Variants in CREB3L3 observed in about 807,000 individuals in gnomAD.
The protein encoded by CREB3L3 is cyclic AMP-responsive element-binding protein 3-like protein 3.
A neutral mutation model predicts 44.6 loss-of-function variants in CREB3L3; 40 were observed. That is an observed-to-expected ratio of 0.90 (90% CI 0.70 to 1.17). The LOEUF (loss-of-function observed/expected upper bound fraction) is 1.17. Ranked by LOEUF, CREB3L3 falls within the 50% of genes most tolerant of loss-of-function variation. The pLI is 0.00. For synonymous variants in CREB3L3, 273 were observed against 256.3 expected (o/e 1.06, Z -0.62); for missense variants, 578 against 595.8 (o/e 0.97, Z 0.31).
At chr19:4,167,352 A>AAGAAAGAAAG (rs377740874) in intron 5 of CREB3L3, among the ~76,000 whole-genome samples, 3,267 of 130,106 alleles carry the variant, frequency 0.025, 154 homozygotes, top group African/African-American at 0.091. Flanking sequence ...GAAAGAAAGA[A>AAGAAAGAAAG]AGAGAGAGAG....
In CREB3L3 at chr19:4,157,199, G is replaced by A. The variant is rs753609961; in HGVS notation, c.361G>A (p.Gly121Arg). The A allele has an allele frequency of 2.5e-6, 4 of 1,614,054 alleles. No homozygotes were observed. The East Asian group carries it at 6.7e-5, about 27-fold the overall frequency. ...CTGCCATCCTGCCCAGCCTGGCAAGGGGCCCTGCCTCTCCTATCATCCTGG... is the reference window on the plus strand; with the variant it reads ...CTGCCATCCTGCCCAGCCTGGCAAGAGGCCCTGCCTCTCCTATCATCCTGG... ...AGCHPAQPGKGPCLSYHPGNS... is the reference protein window; with the variant it reads ...AGCHPAQPGKRPCLSYHPGNS... Residue 121 changes from glycine to arginine, a missense_variant, in exon 3 of 10, where the codon GGG becomes AGG. Transcript: ENST00000078445.
At chr19:4,162,553 G>T (rs137929658) in intron 4 of CREB3L3, among the ~76,000 whole-genome samples, 7 of 145,296 alleles carry the variant, frequency 4.8e-5, no homozygotes, top group African/African-American at 1.8e-4. Context: ...GTGTGGTGGC[G>T]CACACCTGTA....
intron 7 of CREB3L3, 68 bp downstream of exon 7, chr19:4,170,276 A>G: frequency 6.8e-7 from 1 of 1,476,910 alleles, no homozygotes; most frequent in East Asian, 2.3e-5. Context: ...CAGGAAGAGC[A>G]GAGAGCCCAT....
At chr19:4,170,235 G>A (rs774599725) in intron 7 of CREB3L3, 27 bp downstream of exon 7, 36 of 1,611,052 alleles carry the variant, frequency 2.2e-5, no homozygotes, top group Admixed American at 5.0e-5. Flanking sequence ...CTGGGGCAGA[G>A]GACAGGGGAA....
chr19:4,168,256 C>T, intron 5 of CREB3L3, 95 bp from the exon 6 acceptor site: 1 of 923,822 alleles, frequency 1.1e-6, no homozygotes, highest in Non-Finnish European at 1.7e-6. Flanking sequence ...GCCTCGGCCT[C>T]CCAAAGTGCT....
At chr19:4,166,140 G>A (rs568304443) in intron 5 of CREB3L3, among the ~76,000 whole-genome samples, 1 of 151,070 alleles carries the variant, frequency 6.6e-6, no homozygotes, top group East Asian at 2.0e-4. Flanking sequence ...CCAGGCTGGA[G>A]TGGAGTGAGG....
At position 4,164,630 on chromosome 19, in the gene CREB3L3, C is replaced by A. The variant is rs779860332; in HGVS notation, c.704C>A (p.Pro235His). The A allele has an allele frequency of 6.0e-5, 97 of 1,613,928 alleles. 1 individual carries two copies. In the Admixed American group the frequency reaches 1.6e-3, roughly 26 times the overall value. The change falls in exon 5 of 10, where the codon CCC becomes CAC. Residue 235 changes from proline to histidine, a missense_variant. Pro to His is a moderately conservative substitution (Grantham distance 77). Transcript: ENST00000078445. ...GGCATCACCCTGCCCACTCAGCTGC[C>A]CCTCACTAAGGTGAGTCTGGGGGGA... ...KEGITLPTQL[P>H]LTKYEERVLK...
chr19:4,172,785 A>G lies in CREB3L3; in HGVS notation c.*816A>G. The G allele has an allele frequency of 5.3e-6, 1 of 189,896 alleles. No individual in the cohort carries two copies. The highest frequency in any genetic ancestry group is 1.1e-5 in the Non-Finnish European group (1 of 91,448). 11.8% of individuals were successfully genotyped at this position (189,896 alleles called of 1,614,324 possible). Reference sequence around the variant, plus strand: ...CCCAGACAGAGAGACAGGCAGACACAGCCTAAAACAGACCTGGACAGACAG... The same window carrying G: ...CCCAGACAGAGAGACAGGCAGACACGGCCTAAAACAGACCTGGACAGACAG... On this transcript the variant is annotated 3_prime_UTR_variant, in exon 10 of 10. Coordinates refer to ENST00000078445, the MANE Select transcript of CREB3L3 (RefSeq NM_032607.3).
chr19:4,153,726 G>A lies in CREB3L3; in HGVS notation c.-22G>A, dbSNP rs777256377. On this transcript the variant is annotated 5_prime_UTR_variant, in exon 1 of 10. Coordinates refer to ENST00000078445, the MANE Select transcript of CREB3L3 (RefSeq NM_032607.3). Reference sequence around the variant, plus strand: ...GGAGCAGAGACCCCCCGAGGCATCTGCAGACAGAACTGGATGGACCCATGA... The same window carrying A: ...GGAGCAGAGACCCCCCGAGGCATCTACAGACAGAACTGGATGGACCCATGA... 1.9e-6 allele frequency: 3 copies of A among 1,613,928 alleles called. No individual in the cohort carries two copies. The highest frequency in any genetic ancestry group is 3.3e-5 in the Admixed American group (2 of 59,962).
intron 2 of CREB3L3, among the ~76,000 whole-genome samples, 164 bp downstream of exon 2, chr19:4,155,191 C>T (rs551896108): frequency 2.0e-5 from 3 of 152,254 alleles, no homozygotes; most frequent in South Asian, 2.1e-4. Flanking sequence ...CATCATTTAG[C>T]GGGTAGCATC....
chr19:4,158,576 C>T (rs570976300), intron 3 of CREB3L3, among the ~76,000 whole-genome samples: 5 of 151,862 alleles, frequency 3.3e-5, no homozygotes, highest in Admixed American at 2.0e-4. Flanking sequence ...CCGAAGCGAG[C>T]GGATCACGAG....
Position 4,172,126 on chromosome 19 carries a change from C to G in CREB3L3, c.*157C>G. ...CAGCTCATAGCCACACACCCAGGGC[C>G]TGACTGAGGCCCACGCAGGAACCGA... On this transcript the variant is annotated 3_prime_UTR_variant, in exon 10 of 10. Coordinates refer to ENST00000078445, the MANE Select transcript of CREB3L3 (RefSeq NM_032607.3). 1 of 797,962 alleles carries G rather than the reference C, an allele frequency of 1.3e-6. No individual in the cohort carries two copies. Among genetic ancestry groups the G allele is most frequent in the Non-Finnish European group, 1.9e-6 (1 of 517,824 alleles). 49.4% of individuals were successfully genotyped at this position (797,962 alleles called of 1,614,324 possible).
At position 4,172,729 on chromosome 19, in the gene CREB3L3, A is replaced by G. The variant is rs181582652; in HGVS notation, c.*760A>G. On this transcript the variant is annotated 3_prime_UTR_variant, in exon 10 of 10. Coordinates refer to ENST00000078445, the MANE Select transcript of CREB3L3 (RefSeq NM_032607.3). ...GACAGACACAGCCTGAAACAGACCCAGACAGACAGACCGACGCAGCCTGAA... is the reference window on the plus strand; with the variant it reads ...GACAGACACAGCCTGAAACAGACCCGGACAGACAGACCGACGCAGCCTGAA... 430 of 225,146 alleles carry G rather than the reference A, an allele frequency of 1.9e-3. No homozygotes were observed. The highest frequency in any genetic ancestry group is 2.8e-3 in the Non-Finnish European group (315 of 112,976). 13.9% of individuals were successfully genotyped at this position (225,146 alleles called of 1,614,324 possible). A position where few individuals can be genotyped will look rare whatever the true frequency, so the allele number is the denominator to read the frequency against.
chr19:4,155,645 C>T (rs1442084596), intron 2 of CREB3L3, among the ~76,000 whole-genome samples: 3 of 151,840 alleles, frequency 2.0e-5, no homozygotes, highest in Non-Finnish European at 4.4e-5. Context: ...CGTGTGCCAC[C>T]GCGCCCGGCC....
At chr19:4,161,227 G>T (rs1484618980) in intron 4 of CREB3L3, among the ~76,000 whole-genome samples, 1 of 152,074 alleles carries the variant, frequency 6.6e-6, no homozygotes, top group Non-Finnish European at 1.5e-5. Flanking sequence ...CTCCCAAAGT[G>T]CTGGGATTAC....
At chr19:4,166,819 A>G (rs180895538) in intron 5 of CREB3L3, among the ~76,000 whole-genome samples, 106 of 152,074 alleles carry the variant, frequency 7.0e-4, no homozygotes, top group Admixed American at 2.4e-3. Context: ...CCTGGTCTCA[A>G]GGGATCCTCC....
intron 4 of CREB3L3, among the ~76,000 whole-genome samples, chr19:4,163,000 A>T (rs2041679029): frequency 6.6e-6 from 1 of 151,928 alleles, no homozygotes; most frequent in African/African-American, 2.4e-5. Context: ...GTAATAATAC[A>T]ATGAAAAGAA....
At chr19:4,163,351 A>T in intron 4 of CREB3L3, among the ~76,000 whole-genome samples, 1 of 117,280 alleles carries the variant, frequency 8.5e-6, no homozygotes, top group Non-Finnish European at 1.8e-5. Flanking sequence ...AAAGAAAGAA[A>T]GAAGGAAGGA....
In CREB3L3 at chr19:4,159,799, C is replaced by G. The variant is rs201225396; in HGVS notation, c.576+17C>G. On this transcript the variant is annotated intron_variant, in intron 4 of 9. Transcript: ENST00000078445. ...GGGGACCTGGTGAGCACCCCCACAC[C>G]CTCCCATGGGGCGTTGGAGCTGGGA... The G allele has an allele frequency of 5.5e-4, 599 of 1,089,490 alleles. No homozygotes were observed. In the African/African-American group the frequency reaches 8.3e-3, roughly 15 times the overall value. 67.5% of individuals were successfully genotyped at this position (1,089,490 alleles called of 1,614,324 possible).
Sources: allele counts gnomAD v4.1 joint callset (sites outside exome capture counted in the v4.1 genomes callset), GRCh38; gene constraint gnomAD v4.1.1; transcripts MANE v1.5; gene names NCBI Gene and HGNC (gene_info 2026-07-23, HGNC 2026-07-21).